The following GHR variants were observed in gnomAD, a reference collection of about 807,000 sequenced individuals.
GHR encodes growth hormone receptor.
In GHR, 35 loss-of-function variants were observed where a neutral mutation model predicts 67.1. That is an observed-to-expected ratio of 0.52 (90% CI 0.40 to 0.69). The LOEUF (loss-of-function observed/expected upper bound fraction) is 0.69. GHR is among the 30% of genes least tolerant of loss of function. The pLI is 0.00. For synonymous variants in GHR, 272 were observed against 269.1 expected, an observed-to-expected ratio of 1.01 and a Z score of -0.10; for missense variants, 792 against 764.6, an observed-to-expected ratio of 1.04 and a Z score of -0.42.
intron 1 of GHR, among the ~76,000 whole-genome samples, chr5:42,534,184 ATATATGTACATGTG>A (rs1561102425): frequency 3.4e-5 from 5 of 146,536 alleles, no homozygotes; most frequent in African/African-American, 5.1e-5. Context: ...ATATGTATGT[ATATATGTACATGTG>A]TATATATGTA....
At position 42,424,143 on chromosome 5, in the gene GHR, C is replaced by T. The variant is rs1468870291; in HGVS notation, c.-12+188C>T. Among the ~76,000 whole-genome samples, 3 of 146,824 alleles carry T rather than the reference C, an allele frequency of 2.0e-5. No homozygotes were observed. Among genetic ancestry groups the T allele is most frequent in the Non-Finnish European group, 4.5e-5 (3 of 67,260 alleles). ...CTCCTCCTTGCGAAGAAGTTGTTTT[C>T]TGCTGGTGGGTTGTTGTAACCCAAT... On this transcript the variant is annotated intron_variant, in intron 1 of 9. Transcript: ENST00000230882. The surrounding 1 kb of genome is among the most constrained non-coding windows in gnomAD (Gnocchi z 4.1).
chr5:42,666,302 C>T (rs977702346), intron 3 of GHR, among the ~76,000 whole-genome samples: 42 of 152,128 alleles, frequency 2.8e-4, no homozygotes, highest in Non-Finnish European at 3.8e-4. Flanking sequence ...GGTTATTTAT[C>T]CCAATATATC....
At chr5:42,550,778 C>T (rs1052255259) in intron 1 of GHR, among the ~76,000 whole-genome samples, 3 of 152,096 alleles carry the variant, frequency 2.0e-5, no homozygotes, top group African/African-American at 4.8e-5. Context: ...CAAAGGGGCA[C>T]GTGTTTAGTG....
At chr5:42,650,810 A>C (rs1182422984) in intron 3 of GHR, among the ~76,000 whole-genome samples, 1 of 152,024 alleles carries the variant, frequency 6.6e-6, no homozygotes, top group African/African-American at 2.4e-5. Flanking sequence ...TTCCCCAAAT[A>C]AGTAGGTAAC....
chr5:42,547,642 T>C (rs1162331731), intron 1 of GHR, among the ~76,000 whole-genome samples: 1 of 152,162 alleles, frequency 6.6e-6, no homozygotes, highest in South Asian at 2.1e-4. Flanking sequence ...TTCTGCCCAA[T>C]TGACCAAAAT....
intron 9 of GHR, 48 bp from the exon 10 acceptor site, chr5:42,718,405 T>G: frequency 7.5e-7 from 1 of 1,341,200 alleles, no homozygotes; most frequent in South Asian, 1.2e-5. Context: ...TTCATTTAAT[T>G]ATTATGAGTT....
At chr5:42,664,543 G>A (rs1214814442) in intron 3 of GHR, among the ~76,000 whole-genome samples, 1 of 152,190 alleles carries the variant, frequency 6.6e-6, no homozygotes, top group African/African-American at 2.4e-5. Context: ...CTAGCCATAT[G>A]TAGAAAGCTG....
At chr5:42,465,672 G>T (rs1744696077) in intron 1 of GHR, 6 of 858,532 alleles carry the variant, frequency 7.0e-6, no homozygotes, top group Non-Finnish European at 1.2e-5. Flanking sequence ...CCACGTTACA[G>T]GTCCTCGTGC....
At chr5:42,548,014 AGAG>A (rs1748816242) in intron 1 of GHR, 1 of 827,786 alleles carries the variant, frequency 1.2e-6, no homozygotes, top group Middle Eastern at 6.2e-4. Context: ...CATCCAGATC[AGAG>A]CCTTTGCTGA....
intron 6 of GHR, among the ~76,000 whole-genome samples, chr5:42,706,111 A>G (rs554469645): frequency 6.6e-6 from 1 of 152,102 alleles, no homozygotes; most frequent in South Asian, 2.1e-4. Context: ...GTAGTATCTC[A>G]TTATGGTTTT....
chr5:42,529,825 C>T (rs1747879184), intron 1 of GHR, among the ~76,000 whole-genome samples: 1 of 151,936 alleles, frequency 6.6e-6, no homozygotes, highest in Non-Finnish European at 1.5e-5. Context: ...TTTAGCATTC[C>T]ATTATTACCT....
chr5:42,472,911 C>A (rs1745073573), intron 1 of GHR, among the ~76,000 whole-genome samples: 1 of 152,064 alleles, frequency 6.6e-6, no homozygotes, highest in South Asian at 2.1e-4. Context: ...TTGGATGTCA[C>A]CTCCCTTAGG....
At chr5:42,681,537 G>A (rs1756871443) in intron 3 of GHR, among the ~76,000 whole-genome samples, 1 of 152,196 alleles carries the variant, frequency 6.6e-6, no homozygotes, top group Non-Finnish European at 1.5e-5. Flanking sequence ...AACCATTGTG[G>A]AAGACAGTGT....
At chr5:42,520,347 T>G (rs1409208634) in intron 1 of GHR, among the ~76,000 whole-genome samples, 2 of 152,104 alleles carry the variant, frequency 1.3e-5, no homozygotes, top group African/African-American at 4.8e-5. Flanking sequence ...CTTGTGATCT[T>G]GTGTAAATCC....
intron 2 of GHR, among the ~76,000 whole-genome samples, chr5:42,615,732 AAC>A (rs1367763050): frequency 7.8e-6 from 1 of 128,662 alleles, no homozygotes; most frequent in African/African-American, 3.8e-5. Context: ...TTTGGAAAAA[AAC>A]AAAAAACAAA....
At chr5:42,493,946 C>G (rs1300523926) in intron 1 of GHR, among the ~76,000 whole-genome samples, 2 of 152,124 alleles carry the variant, frequency 1.3e-5, no homozygotes, top group African/African-American at 4.8e-5. Context: ...GAAGTCATTT[C>G]AGAGACTGGC....
chr5:42,547,170 A>G (rs1247473774), intron 1 of GHR, among the ~76,000 whole-genome samples: 4 of 152,212 alleles, frequency 2.6e-5, no homozygotes, highest in Non-Finnish European at 5.9e-5. Context: ...TCTCATCTTA[A>G]AGGGTTTGTA....
chr5:42,702,498 A>T (rs190348378), intron 6 of GHR, among the ~76,000 whole-genome samples: 1 of 152,070 alleles, frequency 6.6e-6, no homozygotes, highest in Non-Finnish European at 1.5e-5. Flanking sequence ...AGTAATGAAC[A>T]TGGGAGCCCA....
chr5:42,541,398 A>G (rs994792740), intron 1 of GHR, among the ~76,000 whole-genome samples: 11 of 152,176 alleles, frequency 7.2e-5, no homozygotes, highest in African/African-American at 2.4e-4. Flanking sequence ...AGGAACATCA[A>G]AGAGGCCAGT....
Sources: gnomAD v4.1 joint callset for allele counts (sites outside exome capture counted in the v4.1 genomes callset) on GRCh38, gnomAD v4.1.1 for gene constraint, Gnocchi (gnomAD v3.1) non-coding constraint, MANE v1.5 for transcripts, NCBI Gene and HGNC (gene_info 2026-07-23, HGNC 2026-07-21) for gene names.